Variants in SEPTIN7 observed in about 807,000 individuals in gnomAD.
SEPTIN7 encodes septin 7, also known as septin-7.
In SEPTIN7, 10 loss-of-function variants were observed where a neutral mutation model predicts 63.3. The observed-to-expected ratio is 0.16, with a 90% CI of 0.10 to 0.27. SEPTIN7 has a LOEUF of 0.27. SEPTIN7 is among the 10% of genes least tolerant of loss of function. The pLI is 1.00. For missense variants in SEPTIN7, 310 were observed against 521.0 expected, an observed-to-expected ratio of 0.59 and a Z score of 3.94; for synonymous variants, 131 against 165.3, an observed-to-expected ratio of 0.79 and a Z score of 1.59.
At chr7:35,824,544 A>G (rs1783404640) in intron 1 of SEPTIN7, among the ~76,000 whole-genome samples, 1 of 152,198 alleles carries the variant, frequency 6.6e-6, no homozygotes, top group Non-Finnish European at 1.5e-5. Context: ...ACTGCCTACT[A>G]GACATTGTCT....
At chr7:35,886,913 G>A (rs1321626970) in intron 10 of SEPTIN7, among the ~76,000 whole-genome samples, 2 of 152,180 alleles carry the variant, frequency 1.3e-5, no homozygotes, top group Non-Finnish European at 2.9e-5. Flanking sequence ...TTAAATAAAT[G>A]GCATGTAATT....
At chr7:35,806,286 T>G (rs1269151197) in intron 1 of SEPTIN7, among the ~76,000 whole-genome samples, 2 of 152,264 alleles carry the variant, frequency 1.3e-5, no homozygotes, top group African/African-American at 4.8e-5. Flanking sequence ...CAAAATTACC[T>G]AGATTTTTTT....
chr7:35,811,548 ACT>A (rs1446229450), intron 1 of SEPTIN7, among the ~76,000 whole-genome samples: 2 of 152,072 alleles, frequency 1.3e-5, no homozygotes, highest in Non-Finnish European at 1.5e-5. Context: ...ACAGTTGGAG[ACT>A]CTATAACTCA....
At chr7:35,868,270 T>C (rs1440645863) in intron 4 of SEPTIN7, among the ~76,000 whole-genome samples, 2 of 152,176 alleles carry the variant, frequency 1.3e-5, no homozygotes, top group Non-Finnish European at 2.9e-5. Flanking sequence ...TGGGGTAACA[T>C]ACTTGATAGA....
At chr7:35,816,175 C>T (rs1289824684) in intron 1 of SEPTIN7, among the ~76,000 whole-genome samples, 14 of 152,164 alleles carry the variant, frequency 9.2e-5, no homozygotes, top group African/African-American at 3.4e-4. Flanking sequence ...TCACTGTCAA[C>T]TTTTAGGACA....
Position 35,831,479 on chromosome 7 carries a change from G to A in SEPTIN7, c.62-13G>A, listed in dbSNP as rs1562531575. 4.2e-6 allele frequency: 2 copies of A among 480,754 alleles called. No individual in the cohort carries two copies. Among genetic ancestry groups the A allele is most frequent in the Admixed American group, 4.5e-5 (2 of 44,918 alleles). 29.8% of individuals were successfully genotyped at this position (480,754 alleles called of 1,614,324 possible). ...TGGAACACTGGAATGATGGAAATGT[G>A]TTCTTTACAAAGTAGCTGTGAGTAT... On this transcript the variant is annotated splice_polypyrimidine_tract_variant and intron_variant, in intron 1 of 13. Transcript: ENST00000350320.
intron 1 of SEPTIN7, among the ~76,000 whole-genome samples, chr7:35,812,387 T>C (rs1415134590): frequency 1.3e-5 from 2 of 151,610 alleles, no homozygotes; most frequent in East Asian, 3.9e-4. Context: ...AGCCCCTTTC[T>C]TTTTGAAAGC....
At chr7:35,832,943 T>A (rs775867602) in intron 3 of SEPTIN7, 43 bp downstream of exon 3, 2 of 1,082,084 alleles carry the variant, frequency 1.8e-6, no homozygotes, top group Non-Finnish European at 2.9e-6. Context: ...TGGTTTAAGT[T>A]TTAAACGTTA....
chr7:35,888,487 C>T (rs367689895), intron 10 of SEPTIN7, among the ~76,000 whole-genome samples: 6 of 151,852 alleles, frequency 4.0e-5, no homozygotes, highest in South Asian at 2.1e-4. Flanking sequence ...GGACCTTTAA[C>T]GATTTTTCAG....
chr7:35,874,397 G>GT (rs1786344360), intron 6 of SEPTIN7, among the ~76,000 whole-genome samples: 1 of 151,658 alleles, frequency 6.6e-6, no homozygotes, highest in Non-Finnish European at 1.5e-5. Context: ...CCCTTTTTTT[G>GT]TTTTTTGTAC....
At chr7:35,822,765 G>C (rs1783291979) in intron 1 of SEPTIN7, among the ~76,000 whole-genome samples, 2 of 152,138 alleles carry the variant, frequency 1.3e-5, no homozygotes, top group Admixed American at 1.3e-4. Flanking sequence ...CTAGATTCTA[G>C]GCCATTCTCC....
intron 7 of SEPTIN7, 146 bp from the exon 8 acceptor site, chr7:35,882,338 T>TAA: frequency 1.9e-6 from 1 of 518,414 alleles, no homozygotes; most frequent in Non-Finnish European, 2.9e-6. Context: ...TACTTTAATT[T>TAA]TAGATTACAA....
intron 3 of SEPTIN7, among the ~76,000 whole-genome samples, chr7:35,842,787 A>G (rs1475006484): frequency 6.6e-6 from 1 of 152,160 alleles, no homozygotes; most frequent in Non-Finnish European, 1.5e-5. Flanking sequence ...TTCCTAGGAT[A>G]TTTGAGATGG....
At chr7:35,814,867 C>T (rs1293673639) in intron 1 of SEPTIN7, among the ~76,000 whole-genome samples, 3 of 148,152 alleles carry the variant, frequency 2.0e-5, no homozygotes, top group Admixed American at 1.4e-4. Context: ...CCCAGCTACT[C>T]GGGAGGCTGA....
intron 3 of SEPTIN7, among the ~76,000 whole-genome samples, chr7:35,857,050 A>G (rs1413954237): frequency 6.6e-6 from 1 of 152,174 alleles, no homozygotes; most frequent in Non-Finnish European, 1.5e-5. Context: ...AGGGAGGTAA[A>G]TAGTACAGTC....
At chr7:35,907,459 TTATC>T (rs1221680794), downstream of SEPTIN7, among the ~76,000 whole-genome samples, 1 of 152,080 alleles carries the variant, frequency 6.6e-6, no homozygotes, top group Non-Finnish European at 1.5e-5. Context: ...TATTAATACA[TTATC>T]TAATAAATGA....
intron 1 of SEPTIN7, among the ~76,000 whole-genome samples, chr7:35,820,647 A>T (rs1301248620): frequency 6.6e-6 from 1 of 152,094 alleles, no homozygotes; most frequent in Non-Finnish European, 1.5e-5. Context: ...ACTTTTCTTT[A>T]GTTCTTTGAA....
intron 3 of SEPTIN7, among the ~76,000 whole-genome samples, chr7:35,861,378 CTGAG>C (rs1785499512): frequency 6.6e-6 from 1 of 152,090 alleles, no homozygotes; most frequent in Admixed American, 6.6e-5. Flanking sequence ...TTTTTGAAAA[CTGAG>C]TATTTGAAAG....
At chr7:35,861,380 G>A (rs1785499716) in intron 3 of SEPTIN7, among the ~76,000 whole-genome samples, 1 of 152,120 alleles carries the variant, frequency 6.6e-6, no homozygotes, top group African/African-American at 2.4e-5. Context: ...TTTGAAAACT[G>A]AGTATTTGAA....
Sources: gnomAD v4.1 joint callset for allele counts (sites outside exome capture counted in the v4.1 genomes callset) on GRCh38, gnomAD v4.1.1 for gene constraint, MANE v1.5 for transcripts, NCBI Gene and HGNC (gene_info 2026-07-23, HGNC 2026-07-21) for gene names.